The following DYNLRB2 variants were observed in gnomAD, a reference collection of about 807,000 sequenced individuals.
The protein encoded by DYNLRB2 is dynein light chain roadblock-type 2, also known as bithoraxoid-like protein.
In DYNLRB2, 14 loss-of-function variants were observed where a neutral mutation model predicts 12.6. The observed-to-expected ratio is 1.11, with a 90% CI of 0.73 to 1.73. DYNLRB2 has a LOEUF of 1.73. Ranked by LOEUF, DYNLRB2 falls within the 40% of genes most tolerant of loss-of-function variation. The pLI is 0.00. For synonymous variants in DYNLRB2, 53 were observed against 37.0 expected, an observed-to-expected ratio of 1.43 and a Z score of -1.57; for missense variants, 142 against 117.7, an observed-to-expected ratio of 1.21 and a Z score of -0.95.
chr16:80,549,379 T>A (rs12934612), intron 2 of DYNLRB2, 105 bp from the exon 3 acceptor site: 852,707 of 1,178,898 alleles, frequency 0.72, 316,059 homozygotes, highest in East Asian at 0.86. Flanking sequence ...AAGCCATCAC[T>A]TTTTTCTCTT....
Position 80,541,336 on chromosome 16 carries a change from G to A in DYNLRB2, c.3+257G>A, listed in dbSNP as rs181419897. ...TAAGGAGGGGTGATGTTGAGAAAGG[G>A]AAGAGAGAGATTCAGAGGATGAAGA... On this transcript the variant is annotated intron_variant, in intron 1 of 3. Coordinates refer to ENST00000305904, the MANE Select transcript of DYNLRB2 (RefSeq NM_130897.3). The A allele has an allele frequency of 1.5e-3, 1,495 of 984,428 alleles. 4 individuals are homozygous for A. The highest frequency in any genetic ancestry group is 4.8e-3 in the South Asian group (101 of 21,252). The allele number at this position is 984,428 out of a possible 1,614,324, so 61.0% of individuals were successfully genotyped here.
At chr16:80,548,809 C>G (rs1597094368) in intron 2 of DYNLRB2, 2 of 358,436 alleles carry the variant, frequency 5.6e-6, no homozygotes, top group Middle Eastern at 3.9e-4. Flanking sequence ...ACGGAATGCA[C>G]AGCAAAACTA....
intron 2 of DYNLRB2, among the ~76,000 whole-genome samples, chr16:80,543,755 T>A (rs1358861079): frequency 6.6e-6 from 1 of 152,252 alleles, no homozygotes; most frequent in Non-Finnish European, 1.5e-5. Flanking sequence ...TTATTTTAAA[T>A]GGAACTTGTT....
chr16:80,550,403 A>G, intron 3 of DYNLRB2, 112 bp from the exon 4 acceptor site: 3 of 1,246,820 alleles, frequency 2.4e-6, no homozygotes, highest in South Asian at 1.3e-5. Context: ...GTGGGAAACC[A>G]TCTGTCTGCA....
At position 80,545,305 on chromosome 16, in the gene DYNLRB2, G is replaced by GA. The variant is rs1398968428; in HGVS notation, c.79+1960dup. Among the ~76,000 whole-genome samples the GA allele has an allele frequency of 5.9e-5, 9 of 152,182 alleles. No individual in the cohort carries two copies. The South Asian group carries it at 8.3e-4, about 14-fold the overall frequency. ...TATAATAGCAATAAATAAATAAACAGAAAAAATAAGTAAATAAATGTATCC... is the reference window on the plus strand; with the variant it reads ...TATAATAGCAATAAATAAATAAACAGAAAAAAATAAGTAAATAAATGTATCC... On this transcript the variant is annotated intron_variant, in intron 2 of 3. Transcript: ENST00000305904.
At chr16:80,541,613 G>A (rs543484814) in intron 1 of DYNLRB2, among the ~76,000 whole-genome samples, 5 of 137,008 alleles carry the variant, frequency 3.6e-5, no homozygotes, top group Non-Finnish European at 6.1e-5. Flanking sequence ...AAAAAGTAGA[G>A]ACTGTGGAAA....
At chr16:80,548,481 C>G (rs1904619530) in intron 2 of DYNLRB2, among the ~76,000 whole-genome samples, 1 of 152,170 alleles carries the variant, frequency 6.6e-6, no homozygotes, top group Non-Finnish European at 1.5e-5. Flanking sequence ...AAACCCAGCA[C>G]TGTGGGAGGC....
intron 2 of DYNLRB2, among the ~76,000 whole-genome samples, chr16:80,546,162 T>G (rs894312866): frequency 1.3e-5 from 2 of 152,204 alleles, no homozygotes; most frequent in African/African-American, 4.8e-5. Flanking sequence ...ACAAGGGTGT[T>G]TATTAATGGC....
At chr16:80,546,266 G>C (rs868190735) in intron 2 of DYNLRB2, among the ~76,000 whole-genome samples, 1 of 152,198 alleles carries the variant, frequency 6.6e-6, no homozygotes, top group Non-Finnish European at 1.5e-5. Context: ...TTTCAGTGCA[G>C]CTTTGTAGCT....
intron 2 of DYNLRB2, among the ~76,000 whole-genome samples, chr16:80,545,554 AC>A (rs1334665469): frequency 6.6e-6 from 1 of 151,626 alleles, no homozygotes; most frequent in East Asian, 1.9e-4. Context: ...TACAGTGATC[AC>A]CCTGGGTAGT....
At chr16:80,547,622 G>C (rs1904558076) in intron 2 of DYNLRB2, 1 of 359,180 alleles carries the variant, frequency 2.8e-6, no homozygotes, top group Admixed American at 3.8e-5. Flanking sequence ...TATTCTGGTT[G>C]TATTTCTTGT....
intron 2 of DYNLRB2, among the ~76,000 whole-genome samples, chr16:80,546,444 T>C (rs1464017608): frequency 1.3e-5 from 2 of 152,230 alleles, no homozygotes; most frequent in Admixed American, 1.3e-4. Context: ...ACCATGCTTA[T>C]TCATTTAGAT....
At chr16:80,544,080 A>C (rs1373666721) in intron 2 of DYNLRB2, among the ~76,000 whole-genome samples, 2 of 152,204 alleles carry the variant, frequency 1.3e-5, no homozygotes, top group Admixed American at 6.5e-5. Context: ...GCTACTTTAC[A>C]TAATTTGTGG....
chr16:80,540,823 G>A (rs536279241), upstream of DYNLRB2: 395 of 714,720 alleles, frequency 5.5e-4, no homozygotes, highest in Non-Finnish European at 8.6e-4. Flanking sequence ...TCCCTCCCGG[G>A]ACCCACTGCT....
At chr16:80,547,445 T>C (rs1183212248) in intron 2 of DYNLRB2, among the ~76,000 whole-genome samples, 2 of 152,172 alleles carry the variant, frequency 1.3e-5, no homozygotes, top group Non-Finnish European at 2.9e-5. Context: ...TATTTGTTGA[T>C]TGATTTTTTC....
At chr16:80,550,419 T>C in intron 3 of DYNLRB2, 96 bp from the exon 4 acceptor site, 1 of 1,420,092 alleles carries the variant, frequency 7.0e-7, no homozygotes, top group South Asian at 1.2e-5. Flanking sequence ...CTGCACAAGG[T>C]CCCTGTGATG....
Position 80,541,051 on chromosome 16 carries a change from G to C in DYNLRB2, c.-26G>C. On this transcript the variant is annotated 5_prime_UTR_variant, in exon 1 of 4. Transcript: ENST00000305904. ...TCCCGGGAGGCTGTGCCGCCGGCCT[G>C]AGCCCAGAGTTTCGCGGCCTCCGCG... 3 of 1,607,524 alleles carry C rather than the reference G, an allele frequency of 1.9e-6. No homozygotes were observed. Among genetic ancestry groups the C allele is most frequent in the Non-Finnish European group, 2.6e-6 (3 of 1,176,350 alleles).
chr16:80,543,541 G>A (rs191179085), intron 2 of DYNLRB2, among the ~76,000 whole-genome samples, 190 bp downstream of exon 2: 112 of 152,170 alleles, frequency 7.4e-4, no homozygotes, highest in African/African-American at 2.6e-3. Flanking sequence ...TAAGATCTGG[G>A]GGCATAAATA....
chr16:80,544,269 T>C (rs1357792919), intron 2 of DYNLRB2, among the ~76,000 whole-genome samples: 4 of 152,200 alleles, frequency 2.6e-5, no homozygotes, highest in Non-Finnish European at 5.9e-5. Flanking sequence ...AGACAATAAT[T>C]GTTGAGTGCT....
Sources: gnomAD v4.1 joint callset for allele counts (sites outside exome capture counted in the v4.1 genomes callset) on GRCh38, gnomAD v4.1.1 for gene constraint, MANE v1.5 for transcripts, NCBI Gene and HGNC (gene_info 2026-07-23, HGNC 2026-07-21) for gene names.